PDAP1: variants seen among roughly 807,000 people sequenced by gnomAD.
PDAP1 encodes the protein PDGFA associated protein 1, also known as 28 kDa heat- and acid-stable phosphoprotein.
PDAP1 carries 13 observed loss-of-function variants against 28.0 expected under a neutral mutation model. That is an observed-to-expected ratio of 0.46 (90% CI 0.30 to 0.74). The LOEUF (loss-of-function observed/expected upper bound fraction) is 0.74, where lower values mean the gene tolerates loss of function less well. Among genes scored for constraint, PDAP1 ranks in the 30% least tolerant of loss-of-function variants. The pLI is 0.07. For missense variants in PDAP1, 150 were observed against 230.0 expected (o/e 0.65, Z 2.25); for synonymous variants, 77 against 85.1 (o/e 0.91, Z 0.52).
At chr7:99,407,599 A>G (rs1405866079) in intron 1 of PDAP1, among the ~76,000 whole-genome samples, 1 of 152,228 alleles carries the variant, frequency 6.6e-6, no homozygotes, top group African/African-American at 2.4e-5. Flanking sequence ...CTGTGCCAGG[A>G]GGTGGCCAGG....
In PDAP1 at chr7:99,400,826, G is replaced by A. The variant is rs542123590; in HGVS notation, c.214-402C>T. Reference sequence around the variant, plus strand: ...GGCTGGAATCCCCAGGGCAGGGTGGGCCAAGTGTGTGCTGTCATGACTAAT... The same window carrying A: ...GGCTGGAATCCCCAGGGCAGGGTGGACCAAGTGTGTGCTGTCATGACTAAT... On this transcript the variant is annotated intron_variant, in intron 3 of 5. Transcript: ENST00000350498. Among the ~76,000 whole-genome samples the A allele has an allele frequency of 5.3e-5, 8 of 152,230 alleles. No individual in the cohort carries two copies. In the South Asian group the frequency reaches 1.7e-3, roughly 32 times the overall value.
chr7:99,405,083 C>T (rs948302661), intron 1 of PDAP1, 130 bp from the exon 2 acceptor site: 48 of 629,534 alleles, frequency 7.6e-5, no homozygotes, highest in African/African-American at 5.8e-4. Context: ...CCACCCAAAC[C>T]GACACCTCCG....
chr7:99,405,336 A>C (rs936034692), intron 1 of PDAP1, among the ~76,000 whole-genome samples: 30 of 149,542 alleles, frequency 2.0e-4, no homozygotes, highest in African/African-American at 5.2e-4. Flanking sequence ...TTTTTACACG[A>C]TGTTCTGTCA....
At chr7:99,403,930 G>A (rs1253949898) in intron 2 of PDAP1, among the ~76,000 whole-genome samples, 1 of 152,020 alleles carries the variant, frequency 6.6e-6, no homozygotes, top group East Asian at 1.9e-4. Flanking sequence ...AGTCCTCTCC[G>A]CACTCCACTC....
chr7:99,399,258 C>A (rs1794818037), intron 4 of PDAP1, among the ~76,000 whole-genome samples: 1 of 152,128 alleles, frequency 6.6e-6, no homozygotes, highest in Admixed American at 6.5e-5. Flanking sequence ...GGAGATAATA[C>A]CTGGCGAACC....
intron 4 of PDAP1, among the ~76,000 whole-genome samples, chr7:99,398,592 TA>T (rs1276771858): frequency 6.6e-6 from 1 of 152,174 alleles, no homozygotes. Flanking sequence ...GGCTCCCAGC[TA>T]CATGGGAGGC....
At position 99,404,842 on chromosome 7, in the gene PDAP1, C is replaced by G. The variant is rs1456642441; in HGVS notation, c.105+20G>C. On this transcript the variant is annotated intron_variant, in intron 2 of 5. Transcript: ENST00000350498. ...CGCCACCCTGGGCCACTGGCGTGGCCTGGACAGGCACGTACTCACCCTGGC... is the reference window on the plus strand; with the variant it reads ...CGCCACCCTGGGCCACTGGCGTGGCGTGGACAGGCACGTACTCACCCTGGC... The G allele has an allele frequency of 2.5e-6, 4 of 1,603,898 alleles. No individual in the cohort carries two copies. The highest frequency in any genetic ancestry group is 2.7e-5 in the African/African-American group (2 of 74,736).
chr7:99,398,809 C>T (rs1301667661), intron 4 of PDAP1, among the ~76,000 whole-genome samples: 2 of 152,240 alleles, frequency 1.3e-5, no homozygotes, highest in African/African-American at 2.4e-5. Context: ...CAGGTCAACA[C>T]CACATGGCCC....
chr7:99,397,839 T>C (rs1196792329), intron 5 of PDAP1, 23 bp downstream of exon 5: 2 of 1,610,256 alleles, frequency 1.2e-6, no homozygotes, highest in East Asian at 2.2e-5. Context: ...GGCCTGTCCC[T>C]GCGTGCGCAG....
chr7:99,398,641 C>T lies in PDAP1; in HGVS notation c.336-628G>A, dbSNP rs560646418. 2.6e-5 allele frequency among the ~76,000 whole-genome samples: 4 copies of T among 152,276 alleles called. 1 individual carries two copies. The highest frequency in any genetic ancestry group is 2.6e-4 in the Admixed American group (4 of 15,294). The stretch of plus-strand genomic sequence containing the variant: ...ATTGCTTGAGCCCAGAAGTTCAAGG[C>T]TGCAGTGAGCTACAATTGCACCACT... On this transcript the variant is annotated intron_variant, in intron 4 of 5. Transcript: ENST00000350498.
chr7:99,400,282 A>T (rs752481911), intron 4 of PDAP1, 21 bp downstream of exon 4: 17 of 1,612,370 alleles, frequency 1.1e-5, no homozygotes, highest in Non-Finnish European at 1.4e-5. Context: ...CCGTGACACA[A>T]GGCCCAGCCA....
At chr7:99,407,196 G>C (rs945406738) in intron 1 of PDAP1, among the ~76,000 whole-genome samples, 2 of 152,166 alleles carry the variant, frequency 1.3e-5, no homozygotes, top group Admixed American at 6.6e-5. Flanking sequence ...GTGGTTTTCA[G>C]ATTAACCCAA....
At position 99,401,110 on chromosome 7, in the gene PDAP1, C is replaced by T. The variant is rs535274047; in HGVS notation, c.214-686G>A. Among the ~76,000 whole-genome samples the T allele has an allele frequency of 3.0e-4, 46 of 152,314 alleles. No individual in the cohort carries two copies. In the South Asian group the frequency reaches 9.5e-3, roughly 32 times the overall value. On this transcript the variant is annotated intron_variant, in intron 3 of 5. Transcript: ENST00000350498. ...TCCACTCCACAGAGCTCCCTCCACA[C>T]ACTTCCAGTCCAGCTGCACACTTAC...
chr7:99,397,742 A>C, intron 5 of PDAP1, 120 bp downstream of exon 5: 2 of 1,254,932 alleles, frequency 1.6e-6, no homozygotes, highest in Non-Finnish European at 2.2e-6. Flanking sequence ...ACGACCTCCT[A>C]GGCAGCAGTC....
At chr7:99,401,875 T>G (rs1259875485) in intron 3 of PDAP1, among the ~76,000 whole-genome samples, 1 of 151,818 alleles carries the variant, frequency 6.6e-6, no homozygotes, top group Non-Finnish European at 1.5e-5. Context: ...TTTTGTATTT[T>G]TAGTAGAGAC....
At chr7:99,398,476 G>A (rs781484821) in intron 4 of PDAP1, among the ~76,000 whole-genome samples, 1 of 152,264 alleles carries the variant, frequency 6.6e-6, no homozygotes, top group Non-Finnish European at 1.5e-5. Context: ...AGGATCACTT[G>A]AGGCTGTAAG....
chr7:99,403,241 T>C, intron 3 of PDAP1, 157 bp downstream of exon 3: 1 of 606,796 alleles, frequency 1.6e-6, no homozygotes. Flanking sequence ...GAAATGACAC[T>C]GTCTGTTTAC....
At chr7:99,397,778 G>T in intron 5 of PDAP1, 84 bp downstream of exon 5, 1 of 1,527,464 alleles carries the variant, frequency 6.5e-7, no homozygotes, top group Non-Finnish European at 8.9e-7. Flanking sequence ...GTCACCTCGC[G>T]GACAGGGACA....
At chr7:99,406,571 T>C (rs936789910) in intron 1 of PDAP1, 44 of 985,212 alleles carry the variant, frequency 4.5e-5, no homozygotes, top group Non-Finnish European at 5.3e-5. Flanking sequence ...TCTGACCCTC[T>C]TCAGCCAGAA....
Sources: allele counts gnomAD v4.1 joint callset (sites outside exome capture counted in the v4.1 genomes callset), GRCh38; gene constraint gnomAD v4.1.1; transcripts MANE v1.5; gene names NCBI Gene and HGNC (gene_info 2026-07-23, HGNC 2026-07-21).